CADM2: variants seen among roughly 807,000 people sequenced by gnomAD.
The protein encoded by CADM2 is cell adhesion molecule 2.
A neutral mutation model predicts 49.8 loss-of-function variants in CADM2; 12 were observed. That is an observed-to-expected ratio of 0.24 (90% CI 0.15 to 0.39). The LOEUF is 0.39. Ranked by LOEUF, CADM2 falls within the 10% of genes least tolerant of loss-of-function variation. CADM2 has a pLI of 1.00. For missense variants in CADM2, 378 were observed against 492.3 expected (o/e 0.77, Z 2.20); for synonymous variants, 214 against 175.4 (o/e 1.22, Z -1.74).
At chr3:85,644,301 A>G (rs368656430) in intron 1 of CADM2, among the ~76,000 whole-genome samples, 1 of 152,122 alleles carries the variant, frequency 6.6e-6, no homozygotes, top group Non-Finnish European at 1.5e-5. Context: ...TCTTAGAAGG[A>G]TGCCAGTCTT....
chr3:85,267,619 T>G (rs1310835264), intron 1 of CADM2, among the ~76,000 whole-genome samples: 2 of 151,676 alleles, frequency 1.3e-5, no homozygotes, highest in African/African-American at 4.8e-5. Flanking sequence ...GGCAGGGATT[T>G]TTTTTTACTG....
intron 1 of CADM2, among the ~76,000 whole-genome samples, chr3:85,350,763 G>A (rs562841341): frequency 1.9e-4 from 29 of 149,808 alleles, no homozygotes; most frequent in Admixed American, 3.3e-4. Flanking sequence ...GGTTATTAAC[G>A]AAAAAAAAAG....
chr3:85,601,008 A>G (rs1177980804), intron 1 of CADM2, among the ~76,000 whole-genome samples: 1 of 150,364 alleles, frequency 6.7e-6, no homozygotes, highest in African/African-American at 2.4e-5. Context: ...GATAAATACC[A>G]TATAAATCAT....
chr3:85,819,202 G>A (rs1343426792), intron 3 of CADM2, among the ~76,000 whole-genome samples: 1 of 152,184 alleles, frequency 6.6e-6, no homozygotes, highest in Non-Finnish European at 1.5e-5. Context: ...GACTCAGCAA[G>A]CCAGCTTCTT....
chr3:85,250,068 A>C (rs1426350142), intron 1 of CADM2, among the ~76,000 whole-genome samples: 1 of 151,794 alleles, frequency 6.6e-6, no homozygotes, highest in African/African-American at 2.4e-5. Context: ...TCAGTTTATA[A>C]ATTTGAAACA....
chr3:86,042,450 C>A (rs150536754), intron 8 of CADM2, among the ~76,000 whole-genome samples: 1 of 152,148 alleles, frequency 6.6e-6, no homozygotes, highest in Non-Finnish European at 1.5e-5. Context: ...ACTATAAAAG[C>A]CTCCATGCAT....
At chr3:86,055,481 G>GTTTTTTTTTTTTTTTTT (rs1440467932) in intron 8 of CADM2, among the ~76,000 whole-genome samples, 4 of 121,042 alleles carry the variant, frequency 3.3e-5, no homozygotes, top group African/African-American at 3.2e-5. Flanking sequence ...TTTTTTTTTG[G>GTTTTTTTTTTTTTTTTT]TTTTAGAGGG....
At chr3:85,619,705 T>G (rs2063911505) in intron 1 of CADM2, among the ~76,000 whole-genome samples, 1 of 152,174 alleles carries the variant, frequency 6.6e-6, no homozygotes, top group African/African-American at 2.4e-5. Flanking sequence ...TTTTTAGAAA[T>G]TTGTTATTTT....
intron 2 of CADM2, among the ~76,000 whole-genome samples, chr3:85,782,689 A>G (rs1030449239): frequency 6.6e-6 from 1 of 151,928 alleles, no homozygotes; most frequent in Non-Finnish European, 1.5e-5. Context: ...GAAAAAAGAA[A>G]TATACTCCAT....
intron 8 of CADM2, among the ~76,000 whole-genome samples, chr3:86,052,932 G>C (rs998204912): frequency 6.6e-6 from 1 of 151,990 alleles, no homozygotes; most frequent in African/African-American, 2.4e-5. Flanking sequence ...CATTATATCA[G>C]TGTCTAGATC....
chr3:85,051,898 T>C (rs984395899), intron 1 of CADM2, among the ~76,000 whole-genome samples: 2 of 152,098 alleles, frequency 1.3e-5, no homozygotes, highest in African/African-American at 2.4e-5. Context: ...CACTGAGATA[T>C]TGCAAATGAA....
At chr3:86,038,340 G>A (rs770397956) in intron 8 of CADM2, among the ~76,000 whole-genome samples, 116 of 152,240 alleles carry the variant, frequency 7.6e-4, no homozygotes, top group Non-Finnish European at 1.5e-3. Flanking sequence ...AGTTATTGGA[G>A]AGAATCCATG....
intron 1 of CADM2, among the ~76,000 whole-genome samples, chr3:85,497,031 ACACC>A (rs35291972): frequency 0.59 from 90,092 of 151,502 alleles, 28,189 homozygotes; most frequent in East Asian, 0.93. Flanking sequence ...TTTAGTAGAG[ACACC>A]CAGGGATTTC....
At chr3:85,242,339 A>G (rs1338263798) in intron 1 of CADM2, among the ~76,000 whole-genome samples, 1 of 151,532 alleles carries the variant, frequency 6.6e-6, no homozygotes, top group African/African-American at 2.4e-5. Flanking sequence ...AAAAAACAGT[A>G]TTACCATATA....
intron 8 of CADM2, among the ~76,000 whole-genome samples, chr3:86,033,496 A>G (rs1734783209): frequency 6.6e-6 from 1 of 151,650 alleles, no homozygotes; most frequent in Non-Finnish European, 1.5e-5. Flanking sequence ...GTATGCATAC[A>G]TAGGTGTGGG....
intron 1 of CADM2, among the ~76,000 whole-genome samples, chr3:85,345,590 A>G (rs2030548257): frequency 6.6e-6 from 1 of 152,106 alleles, no homozygotes; most frequent in Non-Finnish European, 1.5e-5. Flanking sequence ...CCACAAAATT[A>G]CGAGTCCTGA....
intron 1 of CADM2, among the ~76,000 whole-genome samples, chr3:85,491,874 T>C (rs1048191341): frequency 6.6e-6 from 1 of 150,424 alleles, no homozygotes; most frequent in African/African-American, 2.4e-5. Context: ...ATGGCGTGAA[T>C]CGGGCAGGCG....
At chr3:85,658,849 G>A (rs1015491006) in intron 1 of CADM2, among the ~76,000 whole-genome samples, 7 of 149,804 alleles carry the variant, frequency 4.7e-5, no homozygotes, top group African/African-American at 1.7e-4. Flanking sequence ...CCAGGAGATG[G>A]AGACCAGCCT....
At chr3:85,843,026 T>C (rs991120359) in intron 3 of CADM2, among the ~76,000 whole-genome samples, 1 of 152,130 alleles carries the variant, frequency 6.6e-6, no homozygotes, top group Non-Finnish European at 1.5e-5. Context: ...TAGTAGTACC[T>C]ATGTATATTG....
Sources: allele counts gnomAD v4.1 joint callset (sites outside exome capture counted in the v4.1 genomes callset), GRCh38; gene constraint gnomAD v4.1.1; transcripts MANE v1.5; gene names NCBI Gene and HGNC (gene_info 2026-07-23, HGNC 2026-07-21).